The following PPP3CC variants were observed in gnomAD, a reference collection of about 807,000 sequenced individuals.
The protein encoded by PPP3CC is serine/threonine-protein phosphatase 2B catalytic subunit gamma isoform.
In PPP3CC, 35 loss-of-function variants were observed where a neutral mutation model predicts 60.3. The ratio of observed to expected loss-of-function variants is 0.58; its 90% CI spans 0.44 to 0.77. The LOEUF (loss-of-function observed/expected upper bound fraction) is 0.77, where lower values mean the gene tolerates loss of function less well. Ranked by LOEUF, PPP3CC falls within the 30% of genes least tolerant of loss-of-function variation. PPP3CC has a pLI of 0.00. For synonymous variants in PPP3CC, 206 were observed against 224.3 expected (o/e 0.92, Z 0.73); for missense variants, 570 against 628.9 (o/e 0.91, Z 1.00).
intron 3 of PPP3CC, among the ~76,000 whole-genome samples, chr8:22,477,729 C>T (rs1023266273): frequency 5.9e-5 from 9 of 151,916 alleles, no homozygotes; most frequent in Non-Finnish European, 1.2e-4. Flanking sequence ...GCCTCCAACT[C>T]CTGGATTCAA....
intron 1 of PPP3CC, among the ~76,000 whole-genome samples, chr8:22,470,003 T>C (rs1837667955): frequency 6.6e-6 from 1 of 151,342 alleles, no homozygotes; most frequent in Non-Finnish European, 1.5e-5. Context: ...ATGATCCATG[T>C]ATATATATAT....
chr8:22,471,885 G>A (rs1837733345), intron 1 of PPP3CC, among the ~76,000 whole-genome samples: 1 of 152,146 alleles, frequency 6.6e-6, no homozygotes, highest in African/African-American at 2.4e-5. Flanking sequence ...CCAGCACTTT[G>A]GGATGCTGAG....
chr8:22,513,411 G>C lies in PPP3CC; in HGVS notation c.749G>C (p.Arg250Pro). ...GAGCACTATACCCACAACACTGTCC[G>C]AGGGTGCTCTTATTTCTACAGGTAA... ...TLEHYTHNTV[R>P]GCSYFYSYPA... Residue 250 changes from arginine to proline, a missense_variant, in exon 6 of 14, where the codon CGA becomes CCA. By Grantham distance (103) the Arg-to-Pro change is moderately radical. Transcript: ENST00000240139. 1 of 1,606,426 alleles carries C rather than the reference G, an allele frequency of 6.2e-7. No individual in the cohort carries two copies. The highest frequency in any genetic ancestry group is 8.5e-7 in the Non-Finnish European group (1 of 1,177,662).
chr8:22,492,509 C>T, intron 3 of PPP3CC: 1 of 285,328 alleles, frequency 3.5e-6, no homozygotes, highest in Admixed American at 4.8e-5. Context: ...TTTGAGCTGC[C>T]ATCTTGCGTC....
chr8:22,496,586 C>T (rs1838594351), intron 3 of PPP3CC, among the ~76,000 whole-genome samples: 1 of 146,114 alleles, frequency 6.8e-6, no homozygotes, highest in African/African-American at 2.5e-5. Context: ...CAACCTCTGC[C>T]TCCCAGGTTC....
chr8:22,525,448 C>T (rs1334492165), intron 8 of PPP3CC, among the ~76,000 whole-genome samples: 1 of 142,214 alleles, frequency 7.0e-6, no homozygotes, highest in Admixed American at 7.0e-5. Context: ...CTCTCTCTTT[C>T]TCTCTCTCTT....
chr8:22,459,105 T>C (rs960384103), intron 1 of PPP3CC, among the ~76,000 whole-genome samples: 2 of 152,044 alleles, frequency 1.3e-5, no homozygotes, highest in Admixed American at 1.3e-4. Context: ...CTAGCACTGC[T>C]GCCCAGGCTG....
chr8:22,503,479 G>T (rs958623633), intron 4 of PPP3CC, among the ~76,000 whole-genome samples: 1 of 151,992 alleles, frequency 6.6e-6, no homozygotes, highest in Non-Finnish European at 1.5e-5. Context: ...GTTTCAGAGG[G>T]TTTTTTAGGT....
intron 6 of PPP3CC, among the ~76,000 whole-genome samples, chr8:22,517,839 A>G (rs764284452): frequency 8.6e-5 from 13 of 151,456 alleles, no homozygotes; most frequent in Non-Finnish European, 1.5e-4. Context: ...TTGTTTTTCT[A>G]TTCTCTATTT....
At chr8:22,494,655 T>C (rs1336836416) in intron 3 of PPP3CC, among the ~76,000 whole-genome samples, 2 of 152,220 alleles carry the variant, frequency 1.3e-5, no homozygotes, top group Non-Finnish European at 2.9e-5. Context: ...TTGTGGTCAC[T>C]GGTAGACATG....
chr8:22,514,381 A>T (rs1839182022), intron 6 of PPP3CC, among the ~76,000 whole-genome samples: 1 of 152,098 alleles, frequency 6.6e-6, no homozygotes, highest in African/African-American at 2.4e-5. Context: ...ATTGGCTAAG[A>T]TAATGTGTTC....
intron 12 of PPP3CC, among the ~76,000 whole-genome samples, chr8:22,536,381 C>T (rs1586876415): frequency 2.6e-5 from 4 of 152,214 alleles, no homozygotes; most frequent in Admixed American, 2.0e-4. Context: ...CTTAGGTAAA[C>T]ATTATGAAAA....
At chr8:22,501,253 G>T (rs1838753925) in intron 4 of PPP3CC, among the ~76,000 whole-genome samples, 1 of 152,202 alleles carries the variant, frequency 6.6e-6, no homozygotes, top group South Asian at 2.1e-4. Context: ...CCTTGATCTA[G>T]CAATTTCATT....
chr8:22,505,515 A>G (rs1838889459), intron 4 of PPP3CC, among the ~76,000 whole-genome samples: 1 of 152,190 alleles, frequency 6.6e-6, no homozygotes, highest in East Asian at 1.9e-4. Flanking sequence ...AGATTGTGGT[A>G]TATCCATAAA....
intron 3 of PPP3CC, among the ~76,000 whole-genome samples, chr8:22,479,254 T>C (rs987203154): frequency 4.6e-5 from 7 of 151,670 alleles, no homozygotes; most frequent in Non-Finnish European, 8.9e-5. Flanking sequence ...AATAGAAAAG[T>C]TGGGAAATGC....
At chr8:22,537,601 G>A (rs1839872443) in intron 12 of PPP3CC, among the ~76,000 whole-genome samples, 1 of 152,084 alleles carries the variant, frequency 6.6e-6, no homozygotes, top group Non-Finnish European at 1.5e-5. Flanking sequence ...GCAAAAACTT[G>A]TACACAAATG....
intron 3 of PPP3CC, among the ~76,000 whole-genome samples, chr8:22,491,623 A>G (rs1271959752): frequency 6.6e-6 from 1 of 152,154 alleles, no homozygotes; most frequent in Non-Finnish European, 1.5e-5. Context: ...TTGGACATGT[A>G]TTGCTTTCAT....
At chr8:22,460,388 C>T (rs923392048) in intron 1 of PPP3CC, among the ~76,000 whole-genome samples, 2 of 152,028 alleles carry the variant, frequency 1.3e-5, no homozygotes, top group African/African-American at 4.8e-5. Context: ...GGTGGAGTCT[C>T]GCTATGTTGC....
intron 1 of PPP3CC, among the ~76,000 whole-genome samples, chr8:22,468,810 T>C (rs1177107278): frequency 6.6e-6 from 1 of 152,200 alleles, no homozygotes; most frequent in African/African-American, 2.4e-5. Flanking sequence ...GAAACTGCCA[T>C]AGCAATATTT....
Sources: gnomAD v4.1 joint callset for allele counts (sites outside exome capture counted in the v4.1 genomes callset) on GRCh38, gnomAD v4.1.1 for gene constraint, MANE v1.5 for transcripts, NCBI Gene and HGNC (gene_info 2026-07-23, HGNC 2026-07-21) for gene names.